FOXN2: variants seen among roughly 807,000 people sequenced by gnomAD.
FOXN2 encodes forkhead box protein N2.
A neutral mutation model predicts 41.2 loss-of-function variants in FOXN2; 19 were observed. The ratio of observed to expected loss-of-function variants is 0.46; its 90% CI spans 0.32 to 0.68. The LOEUF is 0.68. FOXN2 is among the 30% of genes least tolerant of loss of function. FOXN2 has a pLI of 0.03. For missense variants in FOXN2, 587 were observed against 509.4 expected, an observed-to-expected ratio of 1.15 and a Z score of -1.47; for synonymous variants, 195 against 176.8, an observed-to-expected ratio of 1.10 and a Z score of -0.82.
intron 1 of FOXN2, among the ~76,000 whole-genome samples, chr2:48,317,341 C>T (rs934993339): frequency 1.3e-5 from 2 of 151,422 alleles, no homozygotes; most frequent in East Asian, 2.0e-4. Context: ...CCCAGCTACT[C>T]GTGAGGCTGA....
Position 48,346,349 on chromosome 2 carries a change from T to G in FOXN2, c.135T>G (p.Thr45=). Residue 45 remains threonine, a synonymous_variant, in exon 3 of 7, where the codon ACT becomes ACG. Coordinates refer to ENST00000340553, the MANE Select transcript of FOXN2 (RefSeq NM_002158.4). ...TTGATGCTGCCAGGCCGAAGGCCAC[T>G]CTAGTGGACAGTGAGTCAGCAGATG... ...EAVDAARPKA[T]LVDSESADDE... is the part of the protein sequence containing the mutation. 1 of 1,614,216 alleles carries G rather than the reference T, an allele frequency of 6.2e-7. No homozygotes were observed. Among genetic ancestry groups the G allele is most frequent in the Non-Finnish European group, 8.5e-7 (1 of 1,180,034 alleles).
intron 1 of FOXN2, among the ~76,000 whole-genome samples, chr2:48,327,490 G>T (rs1018175793): frequency 6.6e-6 from 1 of 151,754 alleles, no homozygotes; most frequent in Non-Finnish European, 1.5e-5. Context: ...TTATTGCCCA[G>T]GCTGCAGTGC....
chr2:48,367,303 A>G (rs956694050), intron 5 of FOXN2, among the ~76,000 whole-genome samples: 3 of 152,222 alleles, frequency 2.0e-5, no homozygotes, highest in Non-Finnish European at 4.4e-5. Flanking sequence ...CATCAGTGAA[A>G]AAAGCAGACA....
intron 5 of FOXN2, among the ~76,000 whole-genome samples, chr2:48,367,909 C>G (rs892531964): frequency 3.3e-5 from 5 of 152,220 alleles, no homozygotes; most frequent in African/African-American, 1.2e-4. Flanking sequence ...GTGGCACGAT[C>G]TTCGCTCACT....
intron 2 of FOXN2, among the ~76,000 whole-genome samples, chr2:48,340,243 A>G (rs2104323050): frequency 6.6e-6 from 1 of 152,304 alleles, no homozygotes; most frequent in East Asian, 1.9e-4. Flanking sequence ...AATTCTCTGT[A>G]ATGCAGCATA....
chr2:48,372,298 T>C (rs1045037460), intron 5 of FOXN2, among the ~76,000 whole-genome samples: 2 of 152,222 alleles, frequency 1.3e-5, no homozygotes, highest in Non-Finnish European at 2.9e-5. Context: ...AGAGAGTTTA[T>C]GGTCTAGTTG....
chr2:48,348,213 A>C (rs960143871), intron 3 of FOXN2, among the ~76,000 whole-genome samples: 2 of 151,760 alleles, frequency 1.3e-5, no homozygotes, highest in African/African-American at 4.8e-5. Context: ...TATTTGTCTT[A>C]CCTCTTGATT....
In FOXN2 at chr2:48,359,056, A is replaced by G. The variant is rs1184341598; in HGVS notation, c.547A>G (p.Lys183Glu). ...GTGCATTTTATTCTAGGTTAATGGA[A>G]AAGGTTCCTTATGGTGTGTTGATCC... Reference protein sequence around the residue: ...VERSHGKVNGKGSLWCVDPEY... With the variant: ...VERSHGKVNGEGSLWCVDPEY... The change falls in exon 4 of 7, where the codon AAA (lysine) becomes GAA (glutamate). Residue 183 changes from lysine to glutamate, a missense_variant. By Grantham distance (56) the Lys-to-Glu change is moderately conservative. Coordinates refer to ENST00000340553, the MANE Select transcript of FOXN2 (RefSeq NM_002158.4). The G allele has an allele frequency of 3.7e-6, 6 of 1,612,366 alleles. No individual in the cohort carries two copies. Among genetic ancestry groups the G allele is most frequent in the Non-Finnish European group, 8.5e-7 (1 of 1,179,180 alleles).
chr2:48,357,989 T>G (rs543411070), intron 3 of FOXN2, among the ~76,000 whole-genome samples: 4 of 152,156 alleles, frequency 2.6e-5, no homozygotes, highest in Admixed American at 6.5e-5. Flanking sequence ...TATGATAGTG[T>G]GATATGACAA....
In FOXN2 at chr2:48,376,267, G is replaced by A. The variant is rs971435380; in HGVS notation, c.*824G>A. 6.6e-6 allele frequency: 1 copy of A among 152,112 alleles called. No homozygotes were observed. Among genetic ancestry groups the A allele is most frequent in the Admixed American group, 6.6e-5 (1 of 15,256 alleles). 9.4% of individuals were successfully genotyped at this position (152,112 alleles called of 1,614,324 possible). On this transcript the variant is annotated 3_prime_UTR_variant, in exon 7 of 7. Coordinates refer to ENST00000340553, the MANE Select transcript of FOXN2 (RefSeq NM_002158.4). ...CCAGTGAGAGGATATAGCCAATTAA[G>A]TGTGTTATGGAGTACACCCATTTTG...
In FOXN2 at chr2:48,362,680, A is replaced by C; in HGVS notation, c.676A>C (p.Lys226Gln). Residue 226 changes from lysine to glutamine, a missense_variant, in exon 5 of 7, where the codon AAG becomes CAG. Transcript: ENST00000340553. ...ACCTCACTATTTAAGCTCTGTAATC[A>C]AGCAGAACCAGGTGCGAAACCTCAA... is the stretch of plus-strand genomic sequence containing the variant. The part of the protein sequence containing the change: ...LSPHYLSSVI[K>Q]QNQVRNLKES... The C allele has an allele frequency of 9.9e-6, 16 of 1,614,092 alleles. No individual in the cohort carries two copies. Among genetic ancestry groups the C allele is most frequent in the Non-Finnish European group, 1.4e-5 (16 of 1,179,964 alleles).
intron 5 of FOXN2, among the ~76,000 whole-genome samples, chr2:48,371,810 T>C (rs1294127299): frequency 2.0e-5 from 3 of 152,190 alleles, no homozygotes; most frequent in Admixed American, 2.0e-4. Flanking sequence ...GTGAATGAGA[T>C]TGCCATCTTG....
At chr2:48,370,004 AAAAAG>A (rs986257130) in intron 5 of FOXN2, among the ~76,000 whole-genome samples, 1 of 151,964 alleles carries the variant, frequency 6.6e-6, no homozygotes, top group Non-Finnish European at 1.5e-5. Context: ...TGTATCTCAA[AAAAAG>A]AAAAGAAAAA....
intron 1 of FOXN2, among the ~76,000 whole-genome samples, chr2:48,321,839 TG>T (rs758364909): frequency 2.6e-4 from 40 of 152,318 alleles, no homozygotes; most frequent in Non-Finnish European, 3.8e-4. Context: ...TGGGTCTCTA[TG>T]AAAAAAATAC....
chr2:48,366,067 T>C (rs942266251), intron 5 of FOXN2, among the ~76,000 whole-genome samples: 2 of 151,972 alleles, frequency 1.3e-5, no homozygotes, highest in South Asian at 2.1e-4. Context: ...TTAGAAAATA[T>C]ATACTTTGGC....
chr2:48,363,188 C>A (rs970591139), intron 5 of FOXN2, among the ~76,000 whole-genome samples: 6 of 152,018 alleles, frequency 3.9e-5, no homozygotes, highest in Non-Finnish European at 7.4e-5. Flanking sequence ...AGGCAGAAGA[C>A]AGTGATATTG....
chr2:48,326,216 A>G (rs1165731928), intron 1 of FOXN2, among the ~76,000 whole-genome samples: 1 of 152,150 alleles, frequency 6.6e-6, no homozygotes, highest in Non-Finnish European at 1.5e-5. Context: ...GTTAGGTGGA[A>G]TGAAGAGTGT....
intron 5 of FOXN2, among the ~76,000 whole-genome samples, chr2:48,368,532 A>G (rs1021262284): frequency 2.0e-5 from 3 of 152,102 alleles, no homozygotes; most frequent in Non-Finnish European, 4.4e-5. Context: ...TCTCTACCAA[A>G]AATATGAAAA....
intron 4 of FOXN2, among the ~76,000 whole-genome samples, chr2:48,360,418 A>G (rs898558583): frequency 5.3e-5 from 8 of 152,172 alleles, no homozygotes; most frequent in Non-Finnish European, 7.4e-5. Context: ...GCAATCATCA[A>G]CGTTTCATAT....
Sources: gnomAD v4.1 joint callset for allele counts (sites outside exome capture counted in the v4.1 genomes callset) on GRCh38, gnomAD v4.1.1 for gene constraint, MANE v1.5 for transcripts, NCBI Gene and HGNC (gene_info 2026-07-23, HGNC 2026-07-21) for gene names.